Variants in CRB2 observed in about 807,000 individuals in gnomAD.
CRB2 encodes crumbs cell polarity complex component 2.
Under a neutral mutation model 110.9 loss-of-function variants are expected in CRB2, and 85 were observed. The observed-to-expected ratio is 0.77, with a 90% CI of 0.64 to 0.92. The LOEUF is 0.92. Ranked by LOEUF, CRB2 falls within the 40% of genes least tolerant of loss-of-function variation. The pLI, the probability that CRB2 is intolerant of heterozygous loss-of-function variation, is 0.00. For synonymous variants in CRB2, 907 were observed against 831.0 expected (o/e 1.09, Z -1.57); for missense variants, 1,843 against 1,851.3 (o/e 1.00, Z 0.08).
At chr9:123,375,813 C>A (rs977363097) in intron 12 of CRB2, among the ~76,000 whole-genome samples, 7 of 152,048 alleles carry the variant, frequency 4.6e-5, no homozygotes, top group African/African-American at 1.7e-4. Context: ...CTGGCCCCAA[C>A]CCCGGGTGGC....
chr9:123,360,854 TC>T (rs2041858788), intron 1 of CRB2, among the ~76,000 whole-genome samples: 1 of 152,182 alleles, frequency 6.6e-6, no homozygotes, highest in African/African-American at 2.4e-5. Context: ...AAGATGGCTG[TC>T]CCTCCCAGGC....
At chr9:123,365,574 G>C (rs969014063) in intron 2 of CRB2, among the ~76,000 whole-genome samples, 1 of 152,170 alleles carries the variant, frequency 6.6e-6, no homozygotes, top group Non-Finnish European at 1.5e-5. Context: ...AGCCTTCCCT[G>C]AACAGAGCAG....
rs2041830105 is a variant in CRB2, at chr9:123,358,939, G to A, written c.94+2585G>A. On this transcript the variant is annotated intron_variant, in intron 1 of 12. Coordinates refer to ENST00000373631, the MANE Select transcript of CRB2 (RefSeq NM_173689.7). ...CCCATGAATAGTTAATAGTAAAATT[G>A]TTAAAAGTGGCCTGTTTGGGTGGCA... 2.6e-5 allele frequency among the ~76,000 whole-genome samples: 4 copies of A among 152,232 alleles called. No individual in the cohort carries two copies. The South Asian group carries it at 8.3e-4, about 32-fold the overall frequency.
chr9:123,367,444 C>G, intron 5 of CRB2, 87 bp downstream of exon 5: 4 of 1,076,512 alleles, frequency 3.7e-6, no homozygotes, highest in Non-Finnish European at 5.1e-6. Flanking sequence ...CCCCACCCCC[C>G]CACCCCACAC....
At chr9:123,368,539 G>A (rs1162200319) in intron 6 of CRB2, among the ~76,000 whole-genome samples, 2 of 152,252 alleles carry the variant, frequency 1.3e-5, no homozygotes, top group Admixed American at 1.3e-4. Context: ...ACAGCCCCAT[G>A]AGGCAGGGGT....
Position 123,373,833 on chromosome 9 carries a change from C to T in CRB2, c.3302C>T (p.Ala1101Val). Reference sequence around the variant, plus strand: ...GCCCACGTCGACCCCTGTCACTCCGCCCCCTGCGCCCGTGGCCGCTGTCAC... The same window carrying T: ...GCCCACGTCGACCCCTGTCACTCCGTCCCCTGCGCCCGTGGCCGCTGTCAC... ...CEAHVDPCHSAPCARGRCHTH... is the reference protein window; with the variant it reads ...CEAHVDPCHSVPCARGRCHTH... Residue 1101 changes from alanine to valine, a missense_variant, in exon 10 of 13, where the codon GCC becomes GTC. By Grantham distance (64) the Ala-to-Val change is moderately conservative. Transcript: ENST00000373631. 2.5e-6 allele frequency: 4 copies of T among 1,571,024 alleles called. No individual in the cohort carries two copies. The highest frequency in any genetic ancestry group is 1.1e-5 in the South Asian group (1 of 87,000).
At chr9:123,363,540 C>T (rs13296087) in intron 2 of CRB2, among the ~76,000 whole-genome samples, 34,012 of 152,050 alleles carry the variant, frequency 0.22, 4,660 homozygotes, top group Non-Finnish European at 0.31. Flanking sequence ...CCCAGATAGT[C>T]TTTCTAGCAC....
At chr9:123,373,959 CCTGGGGCTAT>C in intron 10 of CRB2, 39 bp downstream of exon 10, 1 of 1,550,014 alleles carries the variant, frequency 6.5e-7, no homozygotes, top group Admixed American at 2.0e-5. Context: ...GCGAATGCCC[CCTGGGGCTAT>C]GGTGGGGCAG....
intron 3 of CRB2, 49 bp downstream of exon 3, chr9:123,366,161 G>C: frequency 7.3e-7 from 1 of 1,377,968 alleles, no homozygotes. Flanking sequence ...GCCCGAGGGC[G>C]GGGAGGCCAG....
Position 123,370,647 on chromosome 9 carries a change from G to A in CRB2, c.1594G>A (p.Glu532Lys). Residue 532 changes from glutamate (E) to lysine (K), a missense_variant, in exon 7 of 13, where the codon GAG becomes AAG. By Grantham distance (56) the Glu-to-Lys change is moderately conservative. Transcript: ENST00000373631. ...GGTTGTGCTCCATCTAGCGACCCTG[G>A]AGCTACGGCTCTGGCATGAGGGCTG... ...VEVVLHLATL[E>K]LRLWHEGCPA... 6.2e-7 allele frequency: 1 copy of A among 1,608,972 alleles called. No individual in the cohort carries two copies. The highest frequency in any genetic ancestry group is 8.5e-7 in the Non-Finnish European group (1 of 1,179,998).
intron 1 of CRB2, among the ~76,000 whole-genome samples, chr9:123,362,419 C>A (rs73569297): frequency 0.021 from 3,151 of 152,264 alleles, 109 homozygotes; most frequent in African/African-American, 0.072. Flanking sequence ...GACCTTGAAG[C>A]CTGTCCCAGC....
rs2042066846 is a variant in CRB2 at position 123,374,155 on chromosome 9, G to A, written c.3389+235G>A. The A allele has an allele frequency of 7.3e-6, 5 of 682,482 alleles. No homozygotes were observed. The East Asian group carries it at 8.7e-5, about 12-fold the overall frequency. The allele number at this position is 682,482 out of a possible 1,614,324, so 42.3% of individuals were successfully genotyped here. On this transcript the variant is annotated intron_variant, in intron 10 of 12. Transcript: ENST00000373631. ...GCGCTGTGGTCTGGGGCTGGGAGCC[G>A]CCTGCCGCTTACACGGAGGTTCATC...
chr9:123,367,123 C>T, intron 4 of CRB2, 49 bp from the exon 5 acceptor site: 2 of 1,509,362 alleles, frequency 1.3e-6, no homozygotes, highest in Non-Finnish European at 1.8e-6. Flanking sequence ...TGAAGAGGTG[C>T]TGCCCGGCAA....
chr9:123,366,458 C>T (rs1227720197), intron 4 of CRB2, 92 bp downstream of exon 4: 10 of 1,410,176 alleles, frequency 7.1e-6, no homozygotes, highest in African/African-American at 1.5e-5. Context: ...TGGCTGCACG[C>T]GAGTGCCCGC....
chr9:123,359,160 G>C (rs1379628956), intron 1 of CRB2, among the ~76,000 whole-genome samples: 1 of 152,080 alleles, frequency 6.6e-6, no homozygotes, highest in African/African-American at 2.4e-5. Flanking sequence ...TTTTGAAAAA[G>C]AGTATGCCAA....
intron 1 of CRB2, among the ~76,000 whole-genome samples, chr9:123,360,394 C>T (rs77498871): frequency 0.029 from 4,357 of 152,280 alleles, 234 homozygotes; most frequent in East Asian, 0.14. Flanking sequence ...CAACAGGCCC[C>T]GCCCCTCCAG....
At chr9:123,359,441 G>GTTTTTTTTTTTTT (rs375773781) in intron 1 of CRB2, among the ~76,000 whole-genome samples, 11 of 94,422 alleles carry the variant, frequency 1.2e-4, no homozygotes, top group African/African-American at 4.7e-4. Context: ...TTTTTGTTTT[G>GTTTTTTTTTTTTT]TTTTTTTTTT....
chr9:123,364,505 A>G, intron 2 of CRB2, among the ~76,000 whole-genome samples: 2 of 138,764 alleles, frequency 1.4e-5, no homozygotes, highest in African/African-American at 2.6e-5. Flanking sequence ...CGGGTGGGGG[A>G]GTTTGGGATT....
At chr9:123,362,780 G>T (rs534219349) in intron 1 of CRB2, 85 bp from the exon 2 acceptor site, 869 of 1,372,824 alleles carry the variant, frequency 6.3e-4, no homozygotes, top group Non-Finnish European at 8.1e-4. Flanking sequence ...TGCTTTTGGG[G>T]TCTGGGGTGG....
Sources: allele counts gnomAD v4.1 joint callset (sites outside exome capture counted in the v4.1 genomes callset), GRCh38; gene constraint gnomAD v4.1.1; transcripts MANE v1.5; gene names NCBI Gene and HGNC (gene_info 2026-07-23, HGNC 2026-07-21).